The following STK36 variants were observed in gnomAD, a reference collection of about 807,000 sequenced individuals.
STK36 encodes the protein serine/threonine kinase 36.
A neutral mutation model predicts 142.2 loss-of-function variants in STK36; 116 were observed. That is an observed-to-expected ratio of 0.82 (90% CI 0.70 to 0.95). The LOEUF is 0.95. Ranked by LOEUF, STK36 falls within the 40% of genes least tolerant of loss-of-function variation. STK36 has a pLI of 0.00. For missense variants in STK36, 1,422 were observed against 1,617.2 expected, an observed-to-expected ratio of 0.88 and a Z score of 2.07; for synonymous variants, 619 against 641.7, an observed-to-expected ratio of 0.96 and a Z score of 0.53.
intron 10 of STK36, among the ~76,000 whole-genome samples, chr2:218,683,252 G>A (rs1260007968): frequency 2.6e-5 from 4 of 151,574 alleles, no homozygotes; most frequent in Non-Finnish European, 5.9e-5. Flanking sequence ...GAGACTACAG[G>A]TGTATGGCAC....
At chr2:218,692,086 T>C (rs1030154144) in intron 14 of STK36, 57 bp from the exon 15 acceptor site, 33 of 1,559,368 alleles carry the variant, frequency 2.1e-5, no homozygotes, top group Middle Eastern at 1.7e-4. Flanking sequence ...TCTTGTTTTT[T>C]ACACTAAGCC....
chr2:218,686,288 C>A (rs567788708), intron 11 of STK36, among the ~76,000 whole-genome samples: 10 of 151,974 alleles, frequency 6.6e-5, no homozygotes, highest in Non-Finnish European at 1.5e-4. Context: ...GATGGGGTCT[C>A]ACTCTGTCAT....
intron 26 of STK36, 79 bp from the exon 27 acceptor site, chr2:218,701,787 A>G: frequency 6.6e-7 from 1 of 1,519,122 alleles, no homozygotes. Flanking sequence ...TGGGTAAATG[A>G]GAGTCCTCCG....
intron 11 of STK36, 25 bp downstream of exon 11, chr2:218,685,253 A>T (rs1046077218): frequency 6.2e-7 from 1 of 1,613,972 alleles, no homozygotes; most frequent in Non-Finnish European, 8.5e-7. Context: ...GACACTGTGG[A>T]TGGGATCAAG....
At chr2:218,699,684 A>AT (rs36019415) in intron 26 of STK36, among the ~76,000 whole-genome samples, 19 of 149,532 alleles carry the variant, frequency 1.3e-4, no homozygotes, top group South Asian at 4.2e-4. Flanking sequence ...GGTGCTGACT[A>AT]TTTTTTTTTT....
At chr2:218,672,418 G>A in intron 1 of STK36, 2 of 289,606 alleles carry the variant, frequency 6.9e-6, no homozygotes, top group Non-Finnish European at 1.3e-5. Flanking sequence ...GTCTGAGAGC[G>A]GGTGCTGAGG....
chr2:218,675,229 C>T, intron 4 of STK36, 114 bp from the exon 5 acceptor site: 1 of 1,176,858 alleles, frequency 8.5e-7, no homozygotes, highest in Non-Finnish European at 1.2e-6. Flanking sequence ...TGAAGCTCTG[C>T]AAGAAAGGGA....
Position 218,672,883 on chromosome 2 carries a change from G to C in STK36, c.54G>C (p.Val18=). ...TTGGAGAAGGCTCTTTTGGGAGGGT[G>C]TACAAGGGTCGAAGAAAATACAGTG... ...EMIGEGSFGR[V]YKGRRKYSAQ... The change falls in exon 2 of 27, where the codon GTG becomes GTC. Residue 18 remains valine, a synonymous_variant. Coordinates refer to ENST00000295709, the MANE Select transcript of STK36 (RefSeq NM_015690.5). The C allele has an allele frequency of 1.2e-6, 2 of 1,614,120 alleles. No homozygotes were observed. Among genetic ancestry groups the C allele is most frequent in the Non-Finnish European group, 1.7e-6 (2 of 1,179,992 alleles).
chr2:218,696,500 T>C, intron 21 of STK36, 27 bp from the exon 22 acceptor site: 2 of 1,610,006 alleles, frequency 1.2e-6, no homozygotes, highest in Non-Finnish European at 1.7e-6. Flanking sequence ...CTTAGGCACC[T>C]GCATTCTTCA....
Position 218,697,213 on chromosome 2 carries a change from G to C in STK36, c.2761G>C (p.Gly921Arg). 1 of 1,610,948 alleles carries C rather than the reference G, an allele frequency of 6.2e-7. No homozygotes were observed. The highest frequency in any genetic ancestry group is 8.5e-7 in the Non-Finnish European group (1 of 1,178,894). ...EPDWTLISPQ[G>R]MAALLSLAMA... The stretch of plus-strand genomic sequence containing the variant: ...AGACTGGACACTGATTTCTCCCCAG[G>C]GTATCTTTCTATCAGTATCCTTTTT... Residue 921 changes from glycine (G) to arginine (R), a missense_variant and splice_region_variant, in exon 23 of 27, where the codon GGC becomes CGC. Coordinates refer to ENST00000295709, the MANE Select transcript of STK36 (RefSeq NM_015690.5).
At chr2:218,677,107 A>G (rs1352448114) in intron 6 of STK36, among the ~76,000 whole-genome samples, 2 of 150,924 alleles carry the variant, frequency 1.3e-5, no homozygotes, top group Non-Finnish European at 2.9e-5. Context: ...CTAATTTTGT[A>G]TTTTTAGTAG....
At chr2:218,673,799 A>G in intron 3 of STK36, 34 bp downstream of exon 3, 1 of 1,613,518 alleles carries the variant, frequency 6.2e-7, no homozygotes, top group Non-Finnish European at 8.5e-7. Context: ...CTGTCTCCCC[A>G]AGCACAAGGG....
At chr2:218,686,537 A>G (rs6742574) in intron 11 of STK36, among the ~76,000 whole-genome samples, 9,181 of 152,178 alleles carry the variant, frequency 0.06, 923 homozygotes, top group African/African-American at 0.21. Context: ...CCAAAGTGCT[A>G]GGATTATAGG....
chr2:218,693,600 C>G lies in STK36; in HGVS notation c.2149-123C>G, dbSNP rs1941099376. ...ATAGCAAGAGGCAGAAGGGGGTTCT[C>G]TCACACTCCCAAGTGTGGGTACCAG... On this transcript the variant is annotated intron_variant, in intron 17 of 26. Transcript: ENST00000295709. 4.1e-6 allele frequency: 4 copies of G among 972,920 alleles called. No homozygotes were observed. The East Asian group carries it at 9.6e-5, about 23-fold the overall frequency. The allele number at this position is 972,920 out of a possible 1,614,324, so 60.3% of individuals were successfully genotyped here.
In STK36 at chr2:218,679,412, C is replaced by G. The variant is rs1940400296; in HGVS notation, c.779-148C>G. The G allele has an allele frequency of 3.1e-6, 4 of 1,279,460 alleles. No individual in the cohort carries two copies. The African/African-American group carries it at 4.5e-5, about 14-fold the overall frequency. 79.3% of individuals were successfully genotyped at this position (1,279,460 alleles called of 1,614,324 possible). A position where few individuals can be genotyped will look rare whatever the true frequency, so the allele number is the denominator to read the frequency against. ...CTAGCCCTTCACTTAACCTTTGCCA[C>G]TTCCCTTACAACCCACTCTCTCTCT... On this transcript the variant is annotated intron_variant, in intron 7 of 26. Transcript: ENST00000295709.
chr2:218,684,273 G>T (rs2912738), intron 10 of STK36, among the ~76,000 whole-genome samples: 1 of 149,164 alleles, frequency 6.7e-6, no homozygotes, highest in Non-Finnish European at 1.5e-5. Context: ...CACCACACCC[G>T]GCTAATTTTG....
intron 6 of STK36, among the ~76,000 whole-genome samples, chr2:218,678,427 G>T (rs1325057687): frequency 6.6e-6 from 1 of 152,100 alleles, no homozygotes; most frequent in African/African-American, 2.4e-5. Flanking sequence ...TCTAAATGAA[G>T]GAATCTTAAG....
intron 23 of STK36, 94 bp downstream of exon 23, chr2:218,697,307 T>G (rs1941273314): frequency 6.6e-7 from 1 of 1,525,438 alleles, no homozygotes; most frequent in Non-Finnish European, 8.8e-7. Flanking sequence ...GGTTTATTTT[T>G]TTTGCTTTTG....
intron 4 of STK36, 101 bp downstream of exon 4, chr2:218,674,057 C>T (rs1172415441): frequency 3.4e-6 from 4 of 1,166,696 alleles, no homozygotes; most frequent in Non-Finnish European, 4.9e-6. Context: ...ATTTCAAAGA[C>T]TTCTGAGAAG....
Sources: allele counts gnomAD v4.1 joint callset (sites outside exome capture counted in the v4.1 genomes callset), GRCh38; gene constraint gnomAD v4.1.1; transcripts MANE v1.5; gene names NCBI Gene and HGNC (gene_info 2026-07-23, HGNC 2026-07-21).